The following CHRM1 variants were observed in gnomAD, a reference collection of about 807,000 sequenced individuals.
The protein encoded by CHRM1 is muscarinic acetylcholine receptor M1.
A neutral mutation model predicts 31.6 loss-of-function variants in CHRM1; 5 were observed. The observed-to-expected ratio is 0.16, with a 90% CI of 0.08 to 0.33. The LOEUF (loss-of-function observed/expected upper bound fraction) is 0.33. Among genes scored for constraint, CHRM1 ranks in the 10% least tolerant of loss-of-function variants. The probability of loss-of-function intolerance (pLI) is 1.00; values close to 1 mark genes in which losing one functional copy is unlikely to be tolerated. For missense variants in CHRM1, 338 were observed against 610.3 expected (o/e 0.55, Z 4.70); for synonymous variants, 227 against 249.7 (o/e 0.91, Z 0.86).
chr11:62,919,074 G>T (rs936636444), intron 1 of CHRM1, among the ~76,000 whole-genome samples: 5 of 152,066 alleles, frequency 3.3e-5, no homozygotes, highest in African/African-American at 1.2e-4. Context: ...CCTCACATAT[G>T]CAATGAGGAG....
chr11:62,909,387 G>A lies in CHRM1; in HGVS notation c.*331C>T. The A allele has an allele frequency of 3.0e-6, 1 of 334,848 alleles. No homozygotes were observed. The highest frequency in any genetic ancestry group is 4.5e-5 in the Admixed American group (1 of 22,394). The allele number at this position is 334,848 out of a possible 1,614,324, so 20.7% of individuals were successfully genotyped here. A position where few individuals can be genotyped will look rare whatever the true frequency, so the allele number is the denominator to read the frequency against. On this transcript the variant is annotated 3_prime_UTR_variant, in exon 2 of 2. Coordinates refer to ENST00000306960, the MANE Select transcript of CHRM1 (RefSeq NM_000738.3). ...CTTAATGTTAAGCCTTCTTTCTCCT[G>A]GCCCGCCCTGCTGGCTCCTGACTTC...
chr11:62,918,444 A>G (rs1020122860), intron 1 of CHRM1: 2 of 152,262 alleles, frequency 1.3e-5, no homozygotes, highest in African/African-American at 2.4e-5. Context: ...AGCATGGTCC[A>G]GAGGCCCCTC....
intron 1 of CHRM1, chr11:62,920,678 C>T (rs940194171): frequency 6.6e-5 from 10 of 152,204 alleles, no homozygotes; most frequent in African/African-American, 2.4e-4. Flanking sequence ...CCCACCTTGG[C>T]TTCTAGCTTC....
rs1065431 is a variant in CHRM1 at position 62,910,321 on chromosome 11, A to G, written c.780T>C (p.Cys260=). The G allele has an allele frequency of 1.2e-6, 2 of 1,610,888 alleles. No homozygotes were observed. Among genetic ancestry groups the G allele is most frequent in the Non-Finnish European group, 1.7e-6 (2 of 1,179,984 alleles). Residue 260 remains cysteine (C), a synonymous_variant, in exon 2 of 2, where the codon TGT becomes TGC. Transcript: ENST00000306960. This position sits in a 1 kb window ranked among gnomAD's most constrained non-coding sequence, Gnocchi z 8.7. The part of the protein sequence containing the change: ...GSPETPPGRC[C]RCCRAPRLLQ... Reference sequence around the variant, plus strand: ...GCAGCCTGGGGGCCCGGCAGCAGCGACAGCAGCGGCCTGGAGGAGTCTCTG... The same window carrying G: ...GCAGCCTGGGGGCCCGGCAGCAGCGGCAGCAGCGGCCTGGAGGAGTCTCTG...
At chr11:62,916,956 C>T (rs2085903745) in intron 1 of CHRM1, 1 of 152,234 alleles carries the variant, frequency 6.6e-6, no homozygotes. Context: ...GATCTTCTGC[C>T]CCCTATGACG....
chr11:62,910,522 G>T lies in CHRM1; in HGVS notation c.579C>A (p.Ala193=). Residue 193 remains alanine, a synonymous_variant, in exon 2 of 2, where the codon GCC becomes GCA. Coordinates refer to ENST00000306960, the MANE Select transcript of CHRM1 (RefSeq NM_000738.3). This position sits in a 1 kb window ranked among gnomAD's most constrained non-coding sequence, Gnocchi z 8.7. ...LSQPIITFGT[A]MAAFYLPVTV... is the part of the protein sequence containing the mutation. ...TGACAGGGAGGTAGAAGGCAGCCAT[G>T]GCTGTGCCAAAGGTGATGATGGGCT... 6.2e-7 allele frequency: 1 copy of T among 1,614,206 alleles called. No individual in the cohort carries two copies. Among genetic ancestry groups the T allele is most frequent in the South Asian group, 1.1e-5 (1 of 91,084 alleles).
chr11:62,914,356 A>G (rs2085889352), intron 1 of CHRM1, among the ~76,000 whole-genome samples: 1 of 152,252 alleles, frequency 6.6e-6, no homozygotes, highest in Non-Finnish European at 1.5e-5. Context: ...AGTTTGTTCC[A>G]GTGAAATTTC....
chr11:62,914,900 C>T (rs1281017440), intron 1 of CHRM1, among the ~76,000 whole-genome samples: 10 of 152,312 alleles, frequency 6.6e-5, no homozygotes, highest in Admixed American at 4.6e-4. Flanking sequence ...TTAGGCCTGG[C>T]GTGGTGGCTC....
At chr11:62,911,778 C>T (rs1426066651) in intron 1 of CHRM1, among the ~76,000 whole-genome samples, 1 of 151,982 alleles carries the variant, frequency 6.6e-6, no homozygotes, top group Non-Finnish European at 1.5e-5. Context: ...TGTCCTAAAA[C>T]AGGAAAGAAA....
chr11:62,911,296 C>T (rs2085869952), intron 1 of CHRM1, 118 bp from the exon 2 acceptor site: 1 of 599,018 alleles, frequency 1.7e-6, no homozygotes, highest in Non-Finnish European at 2.9e-6. Flanking sequence ...ATAGCATCAC[C>T]CTCCCTTACC....
chr11:62,912,280 A>T (rs1182192431), intron 1 of CHRM1, among the ~76,000 whole-genome samples: 41 of 149,942 alleles, frequency 2.7e-4, no homozygotes, highest in African/African-American at 1.0e-3. Context: ...AGGCAGGAGA[A>T]TCGTTTGAAC....
At chr11:62,919,383 A>T (rs2085918384) in intron 1 of CHRM1, among the ~76,000 whole-genome samples, 1 of 152,214 alleles carries the variant, frequency 6.6e-6, no homozygotes, top group African/African-American at 2.4e-5. Flanking sequence ...CTGGAAGAGA[A>T]GCATCAGCCC....
rs1267879774 is a variant in CHRM1 at position 62,909,732 on chromosome 11, A to T, written c.1369T>A (p.Ser457Thr). Reference sequence around the variant, plus strand: ...AGAGGGGACTATCAGCATTGGCGGGAGGGAGTGCGGTGCACGGAGCCAGGG... The same window carrying T: ...AGAGGGGACTATCAGCATTGGCGGGTGGGAGTGCGGTGCACGGAGCCAGGG... ...KRPGSVHRTP[S>T]RQC Residue 457 changes from serine to threonine, a missense_variant, in exon 2 of 2, where the codon TCC becomes ACC. By Grantham distance (58) the Ser-to-Thr change is moderately conservative. Coordinates refer to ENST00000306960, the MANE Select transcript of CHRM1 (RefSeq NM_000738.3). 1 of 1,613,752 alleles carries T rather than the reference A, an allele frequency of 6.2e-7. No homozygotes were observed. The highest frequency in any genetic ancestry group is 1.7e-5 in the Admixed American group (1 of 60,032).
chr11:62,920,462 C>A (rs1461501567), intron 1 of CHRM1, among the ~76,000 whole-genome samples: 2 of 152,118 alleles, frequency 1.3e-5, no homozygotes, highest in African/African-American at 4.8e-5. Context: ...GGCGTGGGTG[C>A]CCATTGGTAT....
intron 1 of CHRM1, among the ~76,000 whole-genome samples, chr11:62,915,011 C>G (rs1260846822): frequency 6.6e-6 from 1 of 151,980 alleles, no homozygotes; most frequent in African/African-American, 2.4e-5. Flanking sequence ...CCTGTCTCTA[C>G]TAAAAATATA....
At chr11:62,916,554 C>T (rs773835016) in intron 1 of CHRM1, among the ~76,000 whole-genome samples, 2 of 152,176 alleles carry the variant, frequency 1.3e-5, no homozygotes, top group Non-Finnish European at 2.9e-5. Context: ...GCCTTGATGT[C>T]TGGAAATTCC....
intron 1 of CHRM1, among the ~76,000 whole-genome samples, chr11:62,919,569 T>C (rs928472673): frequency 6.6e-6 from 1 of 151,822 alleles, no homozygotes; most frequent in Non-Finnish European, 1.5e-5. Context: ...TGCTCCTGGC[T>C]CCTTGCACTC....
chr11:62,916,840 C>T (rs983920296), intron 1 of CHRM1: 1 of 152,220 alleles, frequency 6.6e-6, no homozygotes, highest in Non-Finnish European at 1.5e-5. Flanking sequence ...ACCCCTCTGC[C>T]CCACTTACGC....
chr11:62,911,971 G>A (rs2085873370), intron 1 of CHRM1, among the ~76,000 whole-genome samples: 1 of 152,046 alleles, frequency 6.6e-6, no homozygotes, highest in Non-Finnish European at 1.5e-5. Flanking sequence ...TGCGCATGCG[G>A]GTTTACATAC....
Sources: gnomAD v4.1 joint callset for allele counts (sites outside exome capture counted in the v4.1 genomes callset) on GRCh38, gnomAD v4.1.1 for gene constraint, Gnocchi (gnomAD v3.1) non-coding constraint, MANE v1.5 for transcripts, NCBI Gene and HGNC (gene_info 2026-07-23, HGNC 2026-07-21) for gene names.